The following OSBPL10 variants were observed in gnomAD, a reference collection of about 807,000 sequenced individuals.
The protein encoded by OSBPL10 is oxysterol binding protein like 10, also known as oxysterol-binding protein-related protein 10.
A neutral mutation model predicts 81.7 loss-of-function variants in OSBPL10; 49 were observed. The observed-to-expected ratio is 0.60, with a 90% CI of 0.48 to 0.76. The LOEUF (loss-of-function observed/expected upper bound fraction) is 0.76, where lower values mean the gene tolerates loss of function less well. Among genes scored for constraint, OSBPL10 ranks in the 30% least tolerant of loss-of-function variants. The pLI is 0.00. For missense variants in OSBPL10, 923 were observed against 987.8 expected (o/e 0.93, Z 0.88); for synonymous variants, 419 against 383.6 (o/e 1.09, Z -1.08).
intron 4 of OSBPL10, among the ~76,000 whole-genome samples, chr3:31,748,780 C>T (rs191021659): frequency 1.9e-3 from 288 of 152,120 alleles, no homozygotes; most frequent in Non-Finnish European, 3.2e-3. Context: ...TATCTTGTGG[C>T]CTGGCTTCAA....
intron 4 of OSBPL10, among the ~76,000 whole-genome samples, chr3:31,787,254 T>C (rs1328345840): frequency 6.6e-6 from 1 of 152,164 alleles, no homozygotes; most frequent in Non-Finnish European, 1.5e-5. Context: ...TATTTGTGGA[T>C]TGATTTAACT....
chr3:31,775,767 G>A (rs1222258920), intron 4 of OSBPL10, among the ~76,000 whole-genome samples: 2 of 152,106 alleles, frequency 1.3e-5, no homozygotes, highest in Non-Finnish European at 2.9e-5. Flanking sequence ...TGGAATGACA[G>A]AGAAGAAAAA....
chr3:31,903,117 T>C (rs73061461), intron 1 of OSBPL10, among the ~76,000 whole-genome samples: 12,005 of 152,198 alleles, frequency 0.079, 670 homozygotes, highest in Non-Finnish European at 0.11. Context: ...TTCTTACATT[T>C]ATTCATTCAA....
At chr3:31,980,841 GCACACACA>G (rs72290087) in intron 1 of OSBPL10, 50 bp downstream of exon 1, 46 of 1,346,750 alleles carry the variant, frequency 3.4e-5, no homozygotes, top group Admixed American at 1.4e-4. Flanking sequence ...ACACACGCAC[GCACACACA>G]CACACACACA....
chr3:32,015,269 T>G (rs79964354), intron 2 of OSBPL10, among the ~76,000 whole-genome samples: 1 of 151,972 alleles, frequency 6.6e-6, no homozygotes, highest in Non-Finnish European at 1.5e-5. Flanking sequence ...TGGAACAGAA[T>G]AGAGCCCTCA....
At chr3:31,787,639 C>A (rs1698893492) in intron 4 of OSBPL10, among the ~76,000 whole-genome samples, 1 of 151,586 alleles carries the variant, frequency 6.6e-6, no homozygotes, top group Non-Finnish European at 1.5e-5. Flanking sequence ...TCAATATGTC[C>A]TTTGGGAAGG....
chr3:31,746,044 C>T (rs1697510196), intron 5 of OSBPL10, among the ~76,000 whole-genome samples: 1 of 152,158 alleles, frequency 6.6e-6, no homozygotes, highest in Admixed American at 6.5e-5. Context: ...GTTAATTATA[C>T]TTTATAATTA....
At chr3:31,949,929 A>C (rs1270467899) in intron 1 of OSBPL10, among the ~76,000 whole-genome samples, 1 of 152,036 alleles carries the variant, frequency 6.6e-6, no homozygotes, top group Non-Finnish European at 1.5e-5. Flanking sequence ...CTCAATGAAA[A>C]ATTTTAGTTG....
chr3:31,873,727 G>A (rs1701386592), intron 3 of OSBPL10, among the ~76,000 whole-genome samples: 1 of 152,154 alleles, frequency 6.6e-6, no homozygotes, highest in Non-Finnish European at 1.5e-5. Context: ...AGGAGGCTTG[G>A]CATATATTCC....
chr3:31,814,237 T>C (rs1699777652), intron 4 of OSBPL10, among the ~76,000 whole-genome samples: 1 of 152,146 alleles, frequency 6.6e-6, no homozygotes, highest in Non-Finnish European at 1.5e-5. Flanking sequence ...ACCCAAGAGC[T>C]TGGAGCACAT....
At chr3:32,000,569 A>G (rs1185833530) in intron 2 of OSBPL10, among the ~76,000 whole-genome samples, 1 of 152,224 alleles carries the variant, frequency 6.6e-6, no homozygotes, top group Non-Finnish European at 1.5e-5. Context: ...AACACACTCT[A>G]AAAGCATTTC....
chr3:31,981,961 G>A (rs1229956529), upstream of OSBPL10: 1 of 152,186 alleles, frequency 6.6e-6, no homozygotes, highest in Non-Finnish European at 1.5e-5. This position sits in a 1 kb window ranked among gnomAD's most constrained non-coding sequence, Gnocchi z 4.5. Context: ...ACAGACACAC[G>A]GCTGGGCTGG....
At chr3:31,738,785 T>C (rs374917033) in intron 5 of OSBPL10, among the ~76,000 whole-genome samples, 2 of 152,108 alleles carry the variant, frequency 1.3e-5, no homozygotes, top group South Asian at 2.1e-4. Flanking sequence ...ATGTGCCCTC[T>C]CAGCAGCACT....
chr3:31,839,275 T>C (rs1382789021), intron 3 of OSBPL10, among the ~76,000 whole-genome samples: 1 of 152,088 alleles, frequency 6.6e-6, no homozygotes, highest in Non-Finnish European at 1.5e-5. Flanking sequence ...TACACAAACA[T>C]GAAATGTCCA....
At chr3:31,774,830 C>T (rs1393571622) in intron 4 of OSBPL10, among the ~76,000 whole-genome samples, 1 of 148,532 alleles carries the variant, frequency 6.7e-6, no homozygotes, top group African/African-American at 2.5e-5. Context: ...CTTTTGATTG[C>T]TTTTGTTCTC....
chr3:31,683,664 T>C lies in OSBPL10; in HGVS notation c.1696A>G (p.Met566Val), dbSNP rs181071201. 3 of 1,613,482 alleles carry C rather than the reference T, an allele frequency of 1.9e-6. No individual in the cohort carries two copies. The highest frequency in any genetic ancestry group is 1.3e-5 in the African/African-American group (1 of 75,038). ...CCTATCATAGAGACCCCCACGGACATGCCCATGAACTTGCTTTTGGTCCAT... is the reference window on the plus strand; with the variant it reads ...CCTATCATAGAGACCCCCACGGACACGCCCATGAACTTGCTTTTGGTCCAT... Reference protein sequence around the residue: ...HVWTKSKFMGMSVGVSMIGEG... With the variant: ...HVWTKSKFMGVSVGVSMIGEG... Residue 566 changes from methionine (M) to valine (V), a missense_variant, in exon 8 of 12, where the codon ATG becomes GTG. Transcript: ENST00000396556.
chr3:31,886,571 G>GAAC (rs1695742594), intron 1 of OSBPL10, among the ~76,000 whole-genome samples: 1 of 152,206 alleles, frequency 6.6e-6, no homozygotes, highest in South Asian at 2.1e-4. Flanking sequence ...TGGACTGCAT[G>GAAC]AACGGGGCCT....
At chr3:31,674,363 G>C (rs1700400757) in intron 8 of OSBPL10, among the ~76,000 whole-genome samples, 1 of 151,920 alleles carries the variant, frequency 6.6e-6, no homozygotes, top group African/African-American at 2.4e-5. Flanking sequence ...AGACCAGCCT[G>C]GGCAACATGA....
chr3:31,905,788 C>T (rs546972658), intron 1 of OSBPL10, among the ~76,000 whole-genome samples: 4 of 151,238 alleles, frequency 2.6e-5, no homozygotes, highest in Non-Finnish European at 5.9e-5. Flanking sequence ...CATCATACCA[C>T]TCTAGAAAAA....
Sources: allele counts gnomAD v4.1 joint callset (sites outside exome capture counted in the v4.1 genomes callset), GRCh38; gene constraint gnomAD v4.1.1; non-coding constraint Gnocchi (gnomAD v3.1); transcripts MANE v1.5; gene names NCBI Gene and HGNC (gene_info 2026-07-23, HGNC 2026-07-21).